RAD51B: variants seen among roughly 807,000 people sequenced by gnomAD.
RAD51B encodes RAD51 paralog B.
A neutral mutation model predicts 42.2 loss-of-function variants in RAD51B; 38 were observed. The observed-to-expected ratio is 0.90, with a 90% CI of 0.70 to 1.18. RAD51B has a LOEUF of 1.18. Among genes scored for constraint, RAD51B ranks in the 50% most tolerant of loss-of-function variants. The pLI, the probability that RAD51B is intolerant of heterozygous loss-of-function variation, is 0.00. For synonymous variants in RAD51B, 154 were observed against 145.2 expected, an observed-to-expected ratio of 1.06 and a Z score of -0.43; for missense variants, 373 against 400.7, an observed-to-expected ratio of 0.93 and a Z score of 0.59.
chr14:68,178,643 T>C (rs2079004477), intron 7 of RAD51B, among the ~76,000 whole-genome samples: 1 of 152,190 alleles, frequency 6.6e-6, no homozygotes, highest in African/African-American at 2.4e-5. Flanking sequence ...TTTTAGGCTG[T>C]TTCTGGAGGG....
intron 9 of RAD51B, among the ~76,000 whole-genome samples, chr14:68,436,279 C>G (rs2085145734): frequency 1.3e-5 from 2 of 152,178 alleles, no homozygotes; most frequent in Admixed American, 1.3e-4. Flanking sequence ...ACTAGGGAGT[C>G]TTTTCCCCAT....
At chr14:68,487,939 C>G (rs2140275729) in intron 10 of RAD51B, among the ~76,000 whole-genome samples, 1 of 152,316 alleles carries the variant, frequency 6.6e-6, no homozygotes, top group African/African-American at 2.4e-5. Flanking sequence ...CACAGAACAT[C>G]CCTTATCCTC....
chr14:68,401,252 C>T (rs964811873), intron 8 of RAD51B, among the ~76,000 whole-genome samples: 1 of 152,142 alleles, frequency 6.6e-6, no homozygotes, highest in Non-Finnish European at 1.5e-5. Context: ...TCTCTGTTAT[C>T]CCAGTATAAC....
chr14:68,355,857 C>T (rs2082888105), intron 8 of RAD51B, among the ~76,000 whole-genome samples: 1 of 152,142 alleles, frequency 6.6e-6, no homozygotes, highest in Non-Finnish European at 1.5e-5. Flanking sequence ...AATAATGACA[C>T]CATTAATTAT....
chr14:67,825,485 C>T lies in RAD51B; in HGVS notation c.106C>T (p.Leu36=), dbSNP rs145978071. 3.1e-6 allele frequency: 5 copies of T among 1,612,972 alleles called. No homozygotes were observed. Among genetic ancestry groups the T allele is most frequent in the Middle Eastern group, 1.7e-4 (1 of 6,058 alleles). ...TTAGGACTTTTTATGTCTTTCCCCACTGGAGCTTATGAAGGTGACTGGTCT... is the reference window on the plus strand; with the variant it reads ...TTAGGACTTTTTATGTCTTTCCCCATTGGAGCTTATGAAGGTGACTGGTCT... ...TCQDFLCLSP[L]ELMKVTGLSY... Residue 36 remains leucine (L), a synonymous_variant, in exon 3 of 11, where the codon CTG becomes TTG. Coordinates refer to ENST00000471583, the MANE Select transcript of RAD51B (RefSeq NM_133510.4).
chr14:68,100,055 T>A (rs1470498800), intron 7 of RAD51B, among the ~76,000 whole-genome samples: 2 of 152,190 alleles, frequency 1.3e-5, no homozygotes, highest in Admixed American at 1.3e-4. Context: ...GAAGTTCTTT[T>A]TGACTTTTCT....
At chr14:68,073,098 T>C (rs2076779341) in intron 7 of RAD51B, among the ~76,000 whole-genome samples, 1 of 152,178 alleles carries the variant, frequency 6.6e-6, no homozygotes, top group South Asian at 2.1e-4. Context: ...CTCGATGGTT[T>C]GTCCGATACT....
intron 10 of RAD51B, chr14:68,594,351 T>C (rs1394131969): frequency 6.5e-6 from 5 of 770,270 alleles, no homozygotes; most frequent in Non-Finnish European, 7.5e-6. Flanking sequence ...TCTACCGTTA[T>C]GTACATTCCT....
intron 7 of RAD51B, among the ~76,000 whole-genome samples, chr14:68,101,003 G>A (rs947397066): frequency 1.3e-5 from 2 of 152,186 alleles, no homozygotes; most frequent in Admixed American, 6.5e-5. Context: ...ATGGCAGAAG[G>A]GGAAGCAAAT....
intron 7 of RAD51B, among the ~76,000 whole-genome samples, chr14:67,921,125 A>G (rs1309821810): frequency 1.3e-5 from 2 of 152,248 alleles, no homozygotes; most frequent in African/African-American, 2.4e-5. Flanking sequence ...TTGTAAACAA[A>G]CAAAAACAAC....
intron 7 of RAD51B, among the ~76,000 whole-genome samples, chr14:68,145,605 C>T (rs2078232534): frequency 6.6e-6 from 1 of 152,146 alleles, no homozygotes; most frequent in Non-Finnish European, 1.5e-5. Context: ...ATTGGGTATT[C>T]TGAGCCTCTC....
chr14:67,879,823 A>T (rs576488467), intron 5 of RAD51B, among the ~76,000 whole-genome samples: 1 of 152,180 alleles, frequency 6.6e-6, no homozygotes, highest in Admixed American at 6.6e-5. Flanking sequence ...TTGGAAAGGG[A>T]GGAATATTTT....
chr14:67,947,708 T>A (rs573005484), intron 7 of RAD51B, among the ~76,000 whole-genome samples: 49 of 152,332 alleles, frequency 3.2e-4, no homozygotes, highest in Non-Finnish European at 5.3e-4. Context: ...AGGCTTTAGG[T>A]GTTTTTGTAG....
At chr14:67,943,810 A>G (rs918305504) in intron 7 of RAD51B, among the ~76,000 whole-genome samples, 7 of 152,208 alleles carry the variant, frequency 4.6e-5, no homozygotes, top group Non-Finnish European at 1.0e-4. Context: ...CACGTGGGTT[A>G]TAATGAGTTA....
rs555369023 is a variant in RAD51B, at chr14:68,152,063, C to T, written c.757-139821C>T. On this transcript the variant is annotated intron_variant, in intron 7 of 10. Transcript: ENST00000471583. Reference sequence around the variant, plus strand: ...TTTCTCCATTTGGTCAGGCTGGTTTCGAACTCCAGACCTCAGGTGATCTGC... The same window carrying T: ...TTTCTCCATTTGGTCAGGCTGGTTTTGAACTCCAGACCTCAGGTGATCTGC... Among the ~76,000 whole-genome samples, 20 of 151,918 alleles carry T rather than the reference C, an allele frequency of 1.3e-4. 1 individual carries two copies. The highest frequency in any genetic ancestry group is 6.2e-4 in the South Asian group (3 of 4,810).
At chr14:67,895,934 T>C (rs2043401111) in intron 7 of RAD51B, among the ~76,000 whole-genome samples, 1 of 152,242 alleles carries the variant, frequency 6.6e-6, no homozygotes, top group Admixed American at 6.5e-5. Context: ...TTTGTATCAC[T>C]GTTTTAGCCC....
intron 7 of RAD51B, among the ~76,000 whole-genome samples, chr14:67,934,348 G>A (rs938210877): frequency 2.0e-5 from 3 of 152,110 alleles, no homozygotes; most frequent in African/African-American, 7.2e-5. Context: ...AGAAGTGGGA[G>A]GGCAAGAGAA....
chr14:68,250,524 T>C (rs191344984), intron 7 of RAD51B, among the ~76,000 whole-genome samples: 2 of 152,352 alleles, frequency 1.3e-5, no homozygotes, highest in Non-Finnish European at 1.5e-5. Flanking sequence ...TCAAATATTA[T>C]AGAATTCTTT....
intron 7 of RAD51B, among the ~76,000 whole-genome samples, chr14:68,024,892 T>C (rs908694971): frequency 6.6e-6 from 1 of 152,106 alleles, no homozygotes; most frequent in African/African-American, 2.4e-5. Flanking sequence ...GTATGTTGAA[T>C]AGTAGTGGCG....
Sources: gnomAD v4.1 joint callset for allele counts (sites outside exome capture counted in the v4.1 genomes callset) on GRCh38, gnomAD v4.1.1 for gene constraint, MANE v1.5 for transcripts, NCBI Gene and HGNC (gene_info 2026-07-23, HGNC 2026-07-21) for gene names.